The following WDFY4 variants were observed in gnomAD, a reference collection of about 807,000 sequenced individuals.
WDFY4 encodes the protein WD repeat- and FYVE domain-containing protein 4.
Under a neutral mutation model 351.9 loss-of-function variants are expected in WDFY4, and 169 were observed. The observed-to-expected ratio is 0.48, with a 90% confidence interval of 0.42 to 0.55. The LOEUF is 0.55. WDFY4 is among the 20% of genes least tolerant of loss of function. WDFY4 has a pLI of 0.00. For missense variants in WDFY4, 3,803 were observed against 3,935.6 expected, an observed-to-expected ratio of 0.97 and a Z score of 0.90; for synonymous variants, 1,622 against 1,574.6, an observed-to-expected ratio of 1.03 and a Z score of -0.71.
chr10:48,860,753 T>TA (rs1196933361), intron 39 of WDFY4, among the ~76,000 whole-genome samples: 1 of 152,230 alleles, frequency 6.6e-6, no homozygotes, highest in African/African-American at 2.4e-5. Flanking sequence ...ATGTATTTTT[T>TA]AAAAAATTTA....
At chr10:48,823,383 C>G (rs150459271) in intron 35 of WDFY4, 9 of 1,232,074 alleles carry the variant, frequency 7.3e-6, no homozygotes, top group Non-Finnish European at 9.3e-6. Flanking sequence ...GTTATGCCCT[C>G]TGCAGCAGAA....
At chr10:48,702,537 A>G (rs939214633) in intron 1 of WDFY4, among the ~76,000 whole-genome samples, 2 of 152,200 alleles carry the variant, frequency 1.3e-5, no homozygotes, top group African/African-American at 4.8e-5. Flanking sequence ...TTTGAGATGC[A>G]GCCAGGGTGC....
intron 12 of WDFY4, 90 bp from the exon 13 acceptor site, chr10:48,760,257 G>T: frequency 1.7e-6 from 2 of 1,176,292 alleles, no homozygotes; most frequent in East Asian, 2.6e-5. Flanking sequence ...ACCATGATCT[G>T]TCTTAGAAAG....
intron 1 of WDFY4, among the ~76,000 whole-genome samples, chr10:48,694,511 C>T (rs986136108): frequency 1.3e-5 from 2 of 152,116 alleles, no homozygotes; most frequent in African/African-American, 4.8e-5. Context: ...TTACCCGTCT[C>T]CTCTCCCAGG....
At chr10:48,742,639 T>C (rs1407233357) in intron 11 of WDFY4, among the ~76,000 whole-genome samples, 1 of 152,128 alleles carries the variant, frequency 6.6e-6, no homozygotes, top group Non-Finnish European at 1.5e-5. Context: ...AGAGTTTTGA[T>C]CAGGGAATGA....
rs746016622 is a variant in WDFY4, at chr10:48,957,204, A to G, written c.8053A>G (p.Met2685Val). Residue 2685 changes from methionine (M) to valine (V), a missense_variant, in exon 52 of 62, where the codon ATG becomes GTG. This residue lies in a region of WDFY4 where 3,054 missense variants were observed against 3,148.6 expected (regional missense o/e 0.97). Coordinates refer to ENST00000325239, the MANE Select transcript of WDFY4 (RefSeq NM_001394531.1). ...GTGGGAGTCGGCCTCCAGAGAGAAC[A>G]TGAGTGACGTCAGGGAGCTGACCCC... ...STWESASRENMSDVRELTPEF... is the reference protein window; with the variant it reads ...STWESASRENVSDVRELTPEF... 2.8e-5 allele frequency: 44 copies of G among 1,551,576 alleles called. No individual in the cohort carries two copies. The highest frequency in any genetic ancestry group is 1.7e-4 in the Middle Eastern group (1 of 6,014).
intron 57 of WDFY4, among the ~76,000 whole-genome samples, 166 bp from the exon 58 acceptor site, chr10:48,974,696 C>G (rs924737313): frequency 6.6e-6 from 1 of 152,050 alleles, no homozygotes; most frequent in Non-Finnish European, 1.5e-5. Flanking sequence ...CATGGACACG[C>G]ACATGCACAC....
Position 48,897,494 on chromosome 10 carries a change from A to C in WDFY4, c.7357A>C (p.Arg2453=). The C allele has an allele frequency of 1.3e-5, 20 of 1,551,706 alleles. No homozygotes were observed. The highest frequency in any genetic ancestry group is 1.7e-5 in the Non-Finnish European group (19 of 1,147,032). ...PFIFNLCSKD[R]STDHYSCQCH... is the part of the protein sequence containing the mutation. ...CATTTTCAACCTGTGCAGCAAAGAC[A>C]GGTCCACTGACCATTACTCGTGCCA... Residue 2453 remains arginine, a synonymous_variant, in exon 45 of 62, where the codon AGG becomes CGG. Transcript: ENST00000325239.
chr10:48,885,631 C>T lies in WDFY4; in HGVS notation c.7168-4948C>T, dbSNP rs547692074. Among the ~76,000 whole-genome samples, 10 of 151,928 alleles carry T rather than the reference C, an allele frequency of 6.6e-5. No individual in the cohort carries two copies. The East Asian group carries it at 1.2e-3, about 18-fold the overall frequency. ...CTGAGATGTACTTACGTGAAAAGAT[C>T]GATGCATCATTACATTCCTTTCTAT... is the stretch of plus-strand genomic sequence containing the variant. On this transcript the variant is annotated intron_variant, in intron 43 of 61. Transcript: ENST00000325239.
At chr10:48,967,605 G>A (rs1216442706) in intron 55 of WDFY4, 1 of 152,250 alleles carries the variant, frequency 6.6e-6, no homozygotes, top group Admixed American at 6.5e-5. Context: ...TATAGAAGCA[G>A]GAGTCCACTG....
At chr10:48,937,005 C>CACCTCCCG (rs1209565119) in intron 47 of WDFY4, among the ~76,000 whole-genome samples, 2 of 151,738 alleles carry the variant, frequency 1.3e-5, no homozygotes, top group Admixed American at 1.3e-4. Flanking sequence ...CTGCAAACTT[C>CACCTCCCG]ACCTCCCGGG....
chr10:48,959,558 T>C (rs957213209), intron 52 of WDFY4, among the ~76,000 whole-genome samples, 164 bp from the exon 53 acceptor site: 1 of 152,000 alleles, frequency 6.6e-6, no homozygotes, highest in South Asian at 2.1e-4. Context: ...TGCTGAGGGG[T>C]CATTCCAGGC....
intron 51 of WDFY4, 128 bp from the exon 52 acceptor site, chr10:48,957,001 G>A (rs1049436227): frequency 1.6e-5 from 20 of 1,252,562 alleles, no homozygotes; most frequent in African/African-American, 1.3e-4. Flanking sequence ...ATGGGTACAC[G>A]TGTGTGAGGA....
chr10:48,831,980 G>A (rs1452749305), intron 38 of WDFY4, among the ~76,000 whole-genome samples: 1 of 152,202 alleles, frequency 6.6e-6, no homozygotes, highest in Non-Finnish European at 1.5e-5. Context: ...TTGGGATTAA[G>A]TTTCAACATG....
chr10:48,936,305 G>A (rs1474788227), intron 47 of WDFY4, among the ~76,000 whole-genome samples: 1 of 152,004 alleles, frequency 6.6e-6, no homozygotes, highest in Non-Finnish European at 1.5e-5. Flanking sequence ...ATAATTTAAT[G>A]TAGACAGCAA....
intron 37 of WDFY4, 145 bp from the exon 38 acceptor site, chr10:48,830,555 C>T (rs3747876): frequency 1.1e-4 from 102 of 889,548 alleles, no homozygotes; most frequent in Non-Finnish European, 1.5e-4. Flanking sequence ...GATTGCTTCT[C>T]GCTGAAGCTT....
Position 48,720,010 on chromosome 10 carries a change from G to C in WDFY4, c.235-1G>C, listed in dbSNP as rs1317006832. 1.9e-6 allele frequency: 3 copies of C among 1,551,470 alleles called. No homozygotes were observed. The highest frequency in any genetic ancestry group is 2.6e-6 in the Non-Finnish European group (3 of 1,146,888). On this transcript the variant is annotated splice_acceptor_variant, in intron 2 of 61. Transcript: ENST00000325239. LOFTEE classifies it high-confidence loss of function. ...TGACCAAGTCCCATCTGTTGCTTCA[G>C]GCCTGGGAACACTCCGTGGGGATCA...
chr10:48,939,588 TGATG>T (rs1314477797), intron 47 of WDFY4, among the ~76,000 whole-genome samples: 1 of 152,210 alleles, frequency 6.6e-6, no homozygotes, highest in Non-Finnish European at 1.5e-5. Flanking sequence ...TACATGATAA[TGATG>T]GATGATGGAT....
At chr10:48,863,302 TC>T (rs1348652352) in intron 39 of WDFY4, among the ~76,000 whole-genome samples, 1 of 152,220 alleles carries the variant, frequency 6.6e-6, no homozygotes, top group Non-Finnish European at 1.5e-5. Flanking sequence ...CATTTTACAT[TC>T]CCACCAACAG....
Sources: allele counts gnomAD v4.1 joint callset (sites outside exome capture counted in the v4.1 genomes callset), GRCh38; gene constraint gnomAD v4.1.1; regional missense constraint gnomAD v4.1.1; transcripts MANE v1.5; gene names NCBI Gene and HGNC (gene_info 2026-07-23, HGNC 2026-07-21).